The following COL9A1 variants were observed in gnomAD, a reference collection of about 807,000 sequenced individuals.
The protein encoded by COL9A1 is collagen type IX alpha 1 chain, also known as collagen alpha-1(IX) chain.
COL9A1 carries 104 observed loss-of-function variants against 142.6 expected under a neutral mutation model. The observed-to-expected ratio is 0.73, with a 90% CI of 0.62 to 0.86. COL9A1 has a LOEUF of 0.86. Ranked by LOEUF, COL9A1 falls within the 40% of genes least tolerant of loss-of-function variation. COL9A1 has a pLI of 0.00. For missense variants in COL9A1, 1,210 were observed against 1,176.6 expected, an observed-to-expected ratio of 1.03 and a Z score of -0.42; for synonymous variants, 466 against 396.0, an observed-to-expected ratio of 1.18 and a Z score of -2.10.
At chr6:70,251,993 G>T in intron 28 of COL9A1, 127 bp downstream of exon 28, 4 of 973,896 alleles carry the variant, frequency 4.1e-6, no homozygotes, top group Middle Eastern at 3.1e-4. Flanking sequence ...TCATCTCCTT[G>T]TGTGTCTTGG....
chr6:70,298,965 C>T (rs900263799), intron 4 of COL9A1, among the ~76,000 whole-genome samples: 1 of 152,112 alleles, frequency 6.6e-6, no homozygotes, highest in Non-Finnish European at 1.5e-5. Context: ...CACATTCCAA[C>T]CCACTCACCT....
chr6:70,260,017 T>C (rs915291154), intron 20 of COL9A1, among the ~76,000 whole-genome samples: 2 of 152,122 alleles, frequency 1.3e-5, no homozygotes, highest in African/African-American at 2.4e-5. Context: ...CCTCCCTGTC[T>C]TTGCCTTGCC....
chr6:70,279,603 G>A (rs9342784), intron 10 of COL9A1: 20,209 of 139,950 alleles, frequency 0.14, 1,957 homozygotes, highest in East Asian at 0.46. Context: ...AGCCGAGATC[G>A]TGCCATTGCA....
intron 34 of COL9A1, 40 bp from the exon 35 acceptor site, chr6:70,234,633 C>T (rs780212088): frequency 6.2e-7 from 1 of 1,611,658 alleles, no homozygotes; most frequent in Non-Finnish European, 8.5e-7. Context: ...ATGCATGAAA[C>T]CATAAAGAGA....
Position 70,252,516 on chromosome 6 carries a change from G to A in COL9A1, c.1765-201C>T, listed in dbSNP as rs1321059. ...ATTCAAGATATTGTCTGTGAGTCTG[G>A]GAAATATATTAAAGGTCAAATGTCA... On this transcript the variant is annotated intron_variant, in intron 26 of 37. Transcript: ENST00000357250. 0.18 allele frequency among the ~76,000 whole-genome samples: 27,873 copies of A among 152,044 alleles called. 2,603 individuals are homozygous for A. The highest frequency in any genetic ancestry group is 0.21 in the South Asian group (989 of 4,824).
intron 4 of COL9A1, among the ~76,000 whole-genome samples, chr6:70,299,243 T>G (rs1235749757): frequency 6.6e-6 from 1 of 151,812 alleles, no homozygotes; most frequent in Non-Finnish European, 1.5e-5. Context: ...GTTTCTATAT[T>G]ATCTTATTGT....
At chr6:70,286,109 G>A (rs919207332) in intron 5 of COL9A1, among the ~76,000 whole-genome samples, 3 of 152,060 alleles carry the variant, frequency 2.0e-5, no homozygotes, top group African/African-American at 7.2e-5. Context: ...GGATGGTCTC[G>A]ATCTCTTGAC....
chr6:70,267,637 T>C (rs1434133430), intron 17 of COL9A1, among the ~76,000 whole-genome samples: 3 of 152,310 alleles, frequency 2.0e-5, no homozygotes, highest in Middle Eastern at 3.4e-3. Flanking sequence ...TGTACAGTTT[T>C]TAAGTGCAAA....
In COL9A1 at chr6:70,294,304, C is replaced by A. The variant is rs773143381; in HGVS notation, c.559G>T (p.Val187Leu). The A allele has an allele frequency of 6.2e-7, 1 of 1,613,950 alleles. No individual in the cohort carries two copies. Among genetic ancestry groups the A allele is most frequent in the Non-Finnish European group, 8.5e-7 (1 of 1,179,968 alleles). ...AAAAGAGTAGCACTACTCCTCTCCA[C>A]GCCAATCATGATCTTATGCCACTGG... is the stretch of plus-strand genomic sequence containing the variant. ...DSQWHKIMIGVERSSATLFVD... is the reference protein window; with the variant it reads ...DSQWHKIMIGLERSSATLFVD... Residue 187 changes from valine (V) to leucine (L), a missense_variant, in exon 5 of 38, where the codon GTG becomes TTG. Transcript: ENST00000357250.
At position 70,218,374 on chromosome 6, in the gene COL9A1, G is replaced by A. The variant is rs568008085; in HGVS notation, c.2582-1293C>T. On this transcript the variant is annotated intron_variant, in intron 37 of 37. Transcript: ENST00000357250. ...CTTTTGTCGTGTTTAAGGGTTGTATGTTGCCCTCAATGGGGCACACTCTCT... is the reference window on the plus strand; with the variant it reads ...CTTTTGTCGTGTTTAAGGGTTGTATATTGCCCTCAATGGGGCACACTCTCT... 2.0e-5 allele frequency among the ~76,000 whole-genome samples: 3 copies of A among 152,286 alleles called. No homozygotes were observed. The East Asian group carries it at 5.8e-4, about 29-fold the overall frequency.
Position 70,283,768 on chromosome 6 carries a change from T to C in COL9A1, c.749A>G (p.Glu250Gly). Residue 250 changes from glutamate to glycine, a missense_variant, in exon 6 of 38, where the codon GAA (glutamate) becomes GGA (glycine). By Grantham distance (98) the Glu-to-Gly change is moderately conservative (BLOSUM62 -2). Coordinates refer to ENST00000357250, the MANE Select transcript of COL9A1 (RefSeq NM_001851.6). ...IHCDPLRPRR[E>G]TCHELPARIT... ...TCTGGCTGGCAGCTCATGGCAAGTT[T>C]CTCTCCTGGGCCGCAGGGGGTCACA... 1 of 1,612,110 alleles carries C rather than the reference T, an allele frequency of 6.2e-7. No individual in the cohort carries two copies. Among genetic ancestry groups the C allele is most frequent in the South Asian group, 1.1e-5 (1 of 90,302 alleles).
intron 10 of COL9A1, among the ~76,000 whole-genome samples, chr6:70,275,833 A>G (rs962392999): frequency 1.3e-5 from 2 of 152,100 alleles, no homozygotes; most frequent in African/African-American, 4.8e-5. Context: ...AAGAAGACCC[A>G]AACAATATTG....
In COL9A1 at chr6:70,234,599, A is replaced by G. The variant is rs2127559518; in HGVS notation, c.2260-6T>C. The G allele has an allele frequency of 6.2e-7, 1 of 1,614,184 alleles. No homozygotes were observed. The highest frequency in any genetic ancestry group is 8.5e-7 in the Non-Finnish European group (1 of 1,180,022). Reference sequence around the variant, plus strand: ...TGATCTGTCGGTGCTCTACCCTGGGACAGAAAAGAAAAAAAGGCAGTTTAT... The same window carrying G: ...TGATCTGTCGGTGCTCTACCCTGGGGCAGAAAAGAAAAAAAGGCAGTTTAT... On this transcript the variant is annotated splice_region_variant and splice_polypyrimidine_tract_variant and intron_variant, in intron 34 of 37. Transcript: ENST00000357250.
intron 36 of COL9A1, 54 bp downstream of exon 36, chr6:70,232,529 T>C (rs896106778): frequency 6.4e-6 from 10 of 1,568,716 alleles, no homozygotes; most frequent in Non-Finnish European, 8.8e-6. Flanking sequence ...TGATACAGAT[T>C]ATACATCTGA....
chr6:70,278,361 C>T (rs904476622), intron 10 of COL9A1, among the ~76,000 whole-genome samples: 5 of 152,150 alleles, frequency 3.3e-5, no homozygotes, highest in Admixed American at 6.5e-5. Flanking sequence ...TACTAAATAG[C>T]TCTCTGAGGA....
chr6:70,302,846 G>T, intron 1 of COL9A1, 65 bp downstream of exon 1: 1 of 1,562,512 alleles, frequency 6.4e-7, no homozygotes, highest in Non-Finnish European at 8.8e-7. Context: ...CAAAAATACA[G>T]ACCCTTGGTT....
intron 5 of COL9A1, among the ~76,000 whole-genome samples, chr6:70,291,400 C>G (rs1322068941): frequency 1.3e-5 from 2 of 152,130 alleles, no homozygotes; most frequent in Non-Finnish European, 2.9e-5. Context: ...CTGGCCCCCA[C>G]TCTCATGCCT....
At chr6:70,280,132 C>A in intron 10 of COL9A1, 1 of 546,658 alleles carries the variant, frequency 1.8e-6, no homozygotes, top group Non-Finnish European at 3.4e-6. Flanking sequence ...TATAAGTCAG[C>A]ATTTGATGGA....
At chr6:70,243,404 C>T (rs1260193471) in intron 28 of COL9A1, among the ~76,000 whole-genome samples, 1 of 152,104 alleles carries the variant, frequency 6.6e-6, no homozygotes, top group Non-Finnish European at 1.5e-5. Flanking sequence ...TCTAAGCTTT[C>T]AAATTTTTAT....
Sources: gnomAD v4.1 joint callset for allele counts (sites outside exome capture counted in the v4.1 genomes callset) on GRCh38, gnomAD v4.1.1 for gene constraint, MANE v1.5 for transcripts, NCBI Gene and HGNC (gene_info 2026-07-23, HGNC 2026-07-21) for gene names.